The following PRDM15 variants were observed in gnomAD, a reference collection of about 807,000 sequenced individuals.
PRDM15 encodes the protein PR domain zinc finger protein 15.
PRDM15 carries 64 observed loss-of-function variants against 128.6 expected under a neutral mutation model. The ratio of observed to expected loss-of-function variants is 0.50; its 90% CI spans 0.41 to 0.61. PRDM15 has a LOEUF of 0.61. Among genes scored for constraint, PRDM15 ranks in the 20% least tolerant of loss-of-function variants. PRDM15 has a pLI of 0.00. For synonymous variants in PRDM15, 615 were observed against 621.8 expected (o/e 0.99, Z 0.16); for missense variants, 1,242 against 1,569.1 (o/e 0.79, Z 3.52).
intron 6 of PRDM15, among the ~76,000 whole-genome samples, chr21:41,842,594 G>C (rs538116497): frequency 1.5e-4 from 23 of 151,732 alleles, no homozygotes; most frequent in Non-Finnish European, 3.1e-4. Context: ...AGGTTCAAGC[G>C]ATTCTCCTGC....
rs1205683661 is a variant in PRDM15, at chr21:41,801,688, G to A, written c.2978C>T (p.Thr993Ile). Residue 993 changes from threonine to isoleucine, a missense_variant, in exon 24 of 24, where the codon ACA (threonine) becomes ATA (isoleucine). Physicochemically the swap from Thr to Ile is moderately conservative, Grantham distance 89 (BLOSUM62 -1). This residue lies in a region of PRDM15 where 602 missense variants were observed against 788.3 expected (regional missense o/e 0.76). Transcript: ENST00000398548. ...GGTTAAGCCGACTGAGCTCGATGGT[G>A]TGGTCACATTTGGGTCACCCAGGGT... ...VVTLGDPNVT[T>I]PSSSVGLTNI... 2.5e-6 allele frequency: 4 copies of A among 1,614,012 alleles called. No homozygotes were observed. Among genetic ancestry groups the A allele is most frequent in the African/African-American group, 2.7e-5 (2 of 74,934 alleles).
intron 18 of PRDM15, among the ~76,000 whole-genome samples, chr21:41,816,849 C>T (rs959096901): frequency 2.0e-5 from 3 of 151,342 alleles, no homozygotes; most frequent in African/African-American, 4.9e-5. Flanking sequence ...TACCAATGAC[C>T]GAAGAGTGAT....
intron 18 of PRDM15, among the ~76,000 whole-genome samples, 180 bp from the exon 19 acceptor site, chr21:41,816,016 CAGAGG>C (rs1464437425): frequency 6.6e-6 from 1 of 152,214 alleles, no homozygotes; most frequent in Non-Finnish European, 1.5e-5. Flanking sequence ...TGACTGTGCC[CAGAGG>C]CCGGGAGGGA....
intron 21 of PRDM15, among the ~76,000 whole-genome samples, chr21:41,806,144 C>T (rs868459574): frequency 7.5e-5 from 3 of 40,220 alleles, no homozygotes; most frequent in African/African-American, 2.2e-4. Flanking sequence ...ACCATCACCA[C>T]CACCACCACC....
rs1180054026 is a variant in PRDM15 at position 41,800,438 on chromosome 21, C to A, written c.*802G>T. ...AGTGCACATGACTTTATCATGTTAA[C>A]ATAAAACTAAAACACAATATTGGCC... is the stretch of plus-strand genomic sequence containing the variant. On this transcript the variant is annotated 3_prime_UTR_variant, in exon 24 of 24. Coordinates refer to ENST00000398548, the MANE Select transcript of PRDM15 (RefSeq NM_001040424.3). 6.6e-6 allele frequency: 1 copy of A among 150,830 alleles called. No homozygotes were observed. The highest frequency in any genetic ancestry group is 1.5e-5 in the Non-Finnish European group (1 of 67,760). 9.3% of individuals were successfully genotyped at this position (150,830 alleles called of 1,614,324 possible).
Position 41,825,959 on chromosome 21 carries a change from C to A in PRDM15, c.1629+1G>T. ...CGTCCGACGTGGACTGCGAGCATTA[C>A]CTTGCCACACACCGGGCACCCGGAA... On this transcript the variant is annotated splice_donor_variant, in intron 13 of 23. Coordinates refer to ENST00000398548, the MANE Select transcript of PRDM15 (RefSeq NM_001040424.3). LOFTEE classifies it high-confidence loss of function. The A allele has an allele frequency of 6.2e-7, 1 of 1,611,882 alleles. No homozygotes were observed. Among genetic ancestry groups the A allele is most frequent in the Non-Finnish European group, 8.5e-7 (1 of 1,178,042 alleles).
chr21:41,824,460 C>T (rs2062395898), intron 13 of PRDM15, among the ~76,000 whole-genome samples: 1 of 152,224 alleles, frequency 6.6e-6, no homozygotes, highest in Non-Finnish European at 1.5e-5. Context: ...GGCTATTTCA[C>T]ACCTGCCTCA....
chr21:41,829,177 CACAT>C (rs1358663249), intron 11 of PRDM15, among the ~76,000 whole-genome samples: 1 of 149,132 alleles, frequency 6.7e-6, no homozygotes. Context: ...TCACACACAC[CACAT>C]ACACACACCA....
At chr21:41,802,388 A>G (rs184202840) in intron 23 of PRDM15, among the ~76,000 whole-genome samples, 1 of 152,286 alleles carries the variant, frequency 6.6e-6, no homozygotes, top group East Asian at 1.9e-4. Flanking sequence ...AGCTTTCACC[A>G]TAAGGGCACT....
chr21:41,855,239 C>T lies in PRDM15; in HGVS notation c.286-421G>A, dbSNP rs539042800. ...GGGACACCTAAGGCTCTCCAGATGG[C>T]CCACTGGGAACTGGGACACAGTTCT... On this transcript the variant is annotated intron_variant, in intron 4 of 23. Transcript: ENST00000398548. Among the ~76,000 whole-genome samples, 10 of 152,296 alleles carry T rather than the reference C, an allele frequency of 6.6e-5. No homozygotes were observed. The East Asian group carries it at 1.7e-3, about 26-fold the overall frequency.
intron 5 of PRDM15, among the ~76,000 whole-genome samples, chr21:41,848,739 T>C (rs2146729969): frequency 6.6e-6 from 1 of 152,200 alleles, no homozygotes; most frequent in South Asian, 2.1e-4. Flanking sequence ...CCCCCACAAG[T>C]GTGGGTTCTC....
At chr21:41,814,387 CT>C (rs1413461265) in intron 19 of PRDM15, 1 of 45,120 alleles carries the variant, frequency 2.2e-5, no homozygotes, top group African/African-American at 1.1e-4. Context: ...GCAGGGTGCT[CT>C]AGTGTTTTGA....
At chr21:41,823,201 A>T (rs923936268) in intron 14 of PRDM15, 117 bp downstream of exon 14, 5 of 1,307,334 alleles carry the variant, frequency 3.8e-6, no homozygotes, top group Non-Finnish European at 5.3e-6. Flanking sequence ...CGTGAGCAGC[A>T]CATGTCTGCC....
intron 23 of PRDM15, among the ~76,000 whole-genome samples, chr21:41,802,243 G>T (rs903898794): frequency 6.6e-6 from 1 of 152,208 alleles, no homozygotes; most frequent in Non-Finnish European, 1.5e-5. Flanking sequence ...AACACTCAGA[G>T]GCTTCAAAAG....
At chr21:41,806,051 C>T (rs200533684) in intron 21 of PRDM15, among the ~76,000 whole-genome samples, 180 of 27,138 alleles carry the variant, frequency 6.6e-3, no homozygotes, top group African/African-American at 0.017. Context: ...ACCATCACCA[C>T]CACCACCATC....
At chr21:41,834,477 A>C in intron 11 of PRDM15, 1 of 1,545,380 alleles carries the variant, frequency 6.5e-7, no homozygotes, top group Non-Finnish European at 8.8e-7. Context: ...GCAGGCGGAC[A>C]AGGACGGGGT....
chr21:41,857,774 AAAC>A (rs2063682634), intron 3 of PRDM15, among the ~76,000 whole-genome samples: 1 of 152,194 alleles, frequency 6.6e-6, no homozygotes, highest in Admixed American at 6.5e-5. Context: ...AAAAGAAAAA[AAAC>A]AACAGAAGCC....
intron 18 of PRDM15, among the ~76,000 whole-genome samples, chr21:41,816,480 G>C (rs2146335017): frequency 6.6e-6 from 1 of 152,230 alleles, no homozygotes; most frequent in East Asian, 1.9e-4. Context: ...CAGCCCAAAG[G>C]CAGCCTCCCC....
chr21:41,806,379 TCACCACCACCACCATCAC>T (rs1568882382), intron 21 of PRDM15, among the ~76,000 whole-genome samples: 79 of 9,236 alleles, frequency 8.6e-3, no homozygotes, highest in Non-Finnish European at 0.012. Flanking sequence ...ACTACCACCA[TCACCACCACCACCATCAC>T]CACCACCACC....
Sources: gnomAD v4.1 joint callset for allele counts (sites outside exome capture counted in the v4.1 genomes callset) on GRCh38, gnomAD v4.1.1 for gene constraint, gnomAD v4.1.1 regional missense constraint, MANE v1.5 for transcripts, NCBI Gene and HGNC (gene_info 2026-07-23, HGNC 2026-07-21) for gene names.